Variants in PANK1 observed in about 807,000 individuals in gnomAD.
PANK1 encodes pantothenate kinase 1, also known as pantothenic acid kinase 1.
Under a neutral mutation model 40.1 loss-of-function variants are expected in PANK1, and 18 were observed. The observed-to-expected ratio is 0.45, with a 90% CI of 0.31 to 0.67. PANK1 has a LOEUF of 0.67. Among genes scored for constraint, PANK1 ranks in the 30% least tolerant of loss-of-function variants. PANK1 has a pLI of 0.06. For missense variants in PANK1, 457 were observed against 599.6 expected (o/e 0.76, Z 2.48); for synonymous variants, 242 against 237.7 (o/e 1.02, Z -0.17).
chr10:89,644,310 C>T (rs1049919681), intron 1 of PANK1, among the ~76,000 whole-genome samples: 1 of 152,218 alleles, frequency 6.6e-6, no homozygotes, highest in Non-Finnish European at 1.5e-5. Context: ...GAAGGGCGGA[C>T]AGAGCGTTCG....
rs145728096 is a variant in PANK1 at position 89,585,981 on chromosome 10, C to T, written c.1327-1516G>A. On this transcript the variant is annotated intron_variant, in intron 6 of 6. Coordinates refer to ENST00000307534, the MANE Select transcript of PANK1 (RefSeq NM_148977.3). Reference sequence around the variant, plus strand: ...GAGACTGAGTTATGATATAGGGTAACAAACCAAAGCCAGAGTCCACAGAGG... The same window carrying T: ...GAGACTGAGTTATGATATAGGGTAATAAACCAAAGCCAGAGTCCACAGAGG... Among the ~76,000 whole-genome samples the T allele has an allele frequency of 4.6e-5, 7 of 152,322 alleles. No individual in the cohort carries two copies. In the East Asian group the frequency reaches 1.2e-3, roughly 25 times the overall value.
At chr10:89,614,038 A>C (rs1416759758) in intron 1 of PANK1, 1 of 456,544 alleles carries the variant, frequency 2.2e-6, no homozygotes, top group Non-Finnish European at 4.4e-6. Flanking sequence ...AAGAAATACA[A>C]AAGAAAAATT....
At position 89,584,184 on chromosome 10, in the gene PANK1, C is replaced by T. The variant is rs549921804; in HGVS notation, c.*222G>A. 7 of 463,876 alleles carry T rather than the reference C, an allele frequency of 1.5e-5. No homozygotes were observed. Among genetic ancestry groups the T allele is most frequent in the African/African-American group, 3.9e-5 (2 of 51,334 alleles). The allele number at this position is 463,876 out of a possible 1,614,324, so 28.7% of individuals were successfully genotyped here. A position where few individuals can be genotyped will look rare whatever the true frequency, so the allele number is the denominator to read the frequency against. ...GCTGCACCATTTTTTTAAAAAAATA[C>T]AGTATACAGAAAAAAAACCTTTTAT... On this transcript the variant is annotated 3_prime_UTR_variant, in exon 7 of 7. Coordinates refer to ENST00000307534, the MANE Select transcript of PANK1 (RefSeq NM_148977.3).
At chr10:89,617,882 G>C (rs989348586) in intron 1 of PANK1, among the ~76,000 whole-genome samples, 3 of 152,144 alleles carry the variant, frequency 2.0e-5, no homozygotes, top group African/African-American at 7.2e-5. Flanking sequence ...TACTGCCAAA[G>C]AAACTGCAAT....
intron 5 of PANK1, among the ~76,000 whole-genome samples, chr10:89,592,459 A>G (rs1309733850): frequency 3.9e-5 from 6 of 152,146 alleles, no homozygotes; most frequent in Non-Finnish European, 7.3e-5. Flanking sequence ...TTCTGTATGT[A>G]TGTCACCTCT....
chr10:89,644,541 C>A, intron 1 of PANK1, 59 bp downstream of exon 1: 1 of 1,485,598 alleles, frequency 6.7e-7, no homozygotes, highest in South Asian at 1.2e-5. Context: ...CGCTCCCAGT[C>A]CCGGGCCCCG....
chr10:89,586,947 T>C lies in PANK1; in HGVS notation c.1326+1705A>G, dbSNP rs560802574. Among the ~76,000 whole-genome samples the C allele has an allele frequency of 3.9e-5, 6 of 152,146 alleles. No homozygotes were observed. In the South Asian group the frequency reaches 1.2e-3, roughly 32 times the overall value. Reference sequence around the variant, plus strand: ...TTCGAGACCATCCTGGCCAACATGGTGAAACCCTCTACTAAAAATATGAAA... The same window carrying C: ...TTCGAGACCATCCTGGCCAACATGGCGAAACCCTCTACTAAAAATATGAAA... On this transcript the variant is annotated intron_variant, in intron 6 of 6. Coordinates refer to ENST00000307534, the MANE Select transcript of PANK1 (RefSeq NM_148977.3).
At chr10:89,582,756 T>A (rs1269991953), downstream of PANK1, 1 of 152,200 alleles carries the variant, frequency 6.6e-6, no homozygotes, top group Non-Finnish European at 1.5e-5. Context: ...CAGAGGTAGT[T>A]GGCATTAAGG....
chr10:89,645,089 C>G lies in PANK1; in HGVS notation c.-198G>C. ...CCCACCTCCTCTGCGCCCTGCCCCC[C>G]GCGCGCCGGCCCCACGGCGCCGGCC... On this transcript the variant is annotated 5_prime_UTR_variant, in exon 1 of 7. Transcript: ENST00000307534. 2.0e-6 allele frequency: 3 copies of G among 1,494,952 alleles called. No individual in the cohort carries two copies. Among genetic ancestry groups the G allele is most frequent in the Non-Finnish European group, 2.7e-6 (3 of 1,130,764 alleles). The allele number at this position is 1,494,952 out of a possible 1,614,324, so 92.6% of individuals were successfully genotyped here.
At chr10:89,593,355 C>T (rs564805604) in intron 4 of PANK1, 35 bp from the exon 5 acceptor site, 133 of 1,605,440 alleles carry the variant, frequency 8.3e-5, no homozygotes, top group Non-Finnish European at 1.1e-4. Flanking sequence ...TGTTCAAAAT[C>T]GTCCTCAGGC....
intron 1 of PANK1, among the ~76,000 whole-genome samples, chr10:89,620,122 C>G (rs1845434111): frequency 6.6e-6 from 1 of 152,108 alleles, no homozygotes; most frequent in Non-Finnish European, 1.5e-5. Flanking sequence ...ATGTATATCC[C>G]CTCAGGACCC....
chr10:89,595,834 AT>A (rs1204773667), intron 3 of PANK1, among the ~76,000 whole-genome samples: 2,001 of 44,064 alleles, frequency 0.045, 84 homozygotes, highest in African/African-American at 0.099. Context: ...AAAAAAAAAA[AT>A]ATATATATAT....
At chr10:89,608,030 C>CA (rs1845025419) in intron 2 of PANK1, among the ~76,000 whole-genome samples, 1 of 110,988 alleles carries the variant, frequency 9.0e-6, no homozygotes, top group African/African-American at 2.9e-5. Flanking sequence ...TGATCCTAAA[C>CA]TTTTTTTTTT....
chr10:89,584,354 A>T lies in PANK1; in HGVS notation c.*52T>A, dbSNP rs967742739. On this transcript the variant is annotated 3_prime_UTR_variant, in exon 7 of 7. Coordinates refer to ENST00000307534, the MANE Select transcript of PANK1 (RefSeq NM_148977.3). ...AGCGACTTTCACCTTCTCCAGCAGCAATTTTTTAGTTCTCTGTCCTTTTGG... is the reference window on the plus strand; with the variant it reads ...AGCGACTTTCACCTTCTCCAGCAGCTATTTTTTAGTTCTCTGTCCTTTTGG... 3.3e-5 allele frequency: 40 copies of T among 1,221,264 alleles called. No homozygotes were observed. Among genetic ancestry groups the T allele is most frequent in the Admixed American group, 3.1e-4 (18 of 58,188 alleles). 75.7% of individuals were successfully genotyped at this position (1,221,264 alleles called of 1,614,324 possible).
At chr10:89,604,519 C>T (rs542927351) in intron 2 of PANK1, among the ~76,000 whole-genome samples, 1 of 152,008 alleles carries the variant, frequency 6.6e-6, no homozygotes, top group Non-Finnish European at 1.5e-5. Context: ...TGGTAAGACC[C>T]TCGTTTCTAC....
In PANK1 at chr10:89,622,440, A is replaced by G. The variant is rs774676130; in HGVS notation, c.293-10392T>C. ...AATCTTTCTATGGGTTTATTTGGAAATACATATTAAAAAGCTCCAGATTCC... is the reference window on the plus strand; with the variant it reads ...AATCTTTCTATGGGTTTATTTGGAAGTACATATTAAAAAGCTCCAGATTCC... On this transcript the variant is annotated intron_variant, in intron 1 of 6. Coordinates refer to ENST00000307534, the MANE Select transcript of PANK1 (RefSeq NM_148977.3). Among the ~76,000 whole-genome samples the G allele has an allele frequency of 1.6e-4, 25 of 152,328 alleles. No homozygotes were observed. The Middle Eastern group carries it at 0.01, about 62-fold the overall frequency.
In PANK1 at chr10:89,644,882, G is replaced by C. The variant is rs777416944; in HGVS notation, c.10C>G (p.Arg4Gly). The stretch of plus-strand genomic sequence containing the variant: ...ACCGAGCGCTCCTGCTGCCCGCTGC[G>C]GTCGCCCATGCCGGGGGCTGGCGGG... MGDRSGQQERSVPH... is the reference protein window; with the variant it reads MGDGSGQQERSVPH... The change falls in exon 1 of 7, where the codon CGC becomes GGC. Residue 4 changes from arginine (R) to glycine (G), a missense_variant. By Grantham distance (125) the Arg-to-Gly change is moderately radical. Around this residue, in one of 4 missense-constraint regions of PANK1, gnomAD observed 144 missense variants for 131.2 expected, o/e 1.10. Transcript: ENST00000307534. 3.3e-6 allele frequency: 5 copies of C among 1,500,548 alleles called. No individual in the cohort carries two copies. The South Asian group carries it at 5.1e-5, about 15-fold the overall frequency. 93.0% of individuals were successfully genotyped at this position (1,500,548 alleles called of 1,614,324 possible). A position where few individuals can be genotyped will look rare whatever the true frequency, so the allele number is the denominator to read the frequency against.
At chr10:89,643,790 C>A (rs1458487790) in intron 1 of PANK1, 1 of 1,609,316 alleles carries the variant, frequency 6.2e-7, no homozygotes, top group East Asian at 2.2e-5. Flanking sequence ...GCTGTAAACT[C>A]GACCTACAAA....
intron 1 of PANK1, among the ~76,000 whole-genome samples, chr10:89,642,174 T>C (rs978958514): frequency 2.6e-5 from 4 of 152,224 alleles, no homozygotes; most frequent in South Asian, 2.1e-4. Flanking sequence ...GATTGTAGGA[T>C]GGTGAATAGT....
Sources: gnomAD v4.1 joint callset for allele counts (sites outside exome capture counted in the v4.1 genomes callset) on GRCh38, gnomAD v4.1.1 for gene constraint, gnomAD v4.1.1 regional missense constraint, MANE v1.5 for transcripts, NCBI Gene and HGNC (gene_info 2026-07-23, HGNC 2026-07-21) for gene names.